NAALAD2: variants seen among roughly 807,000 people sequenced by gnomAD.
NAALAD2 encodes N-acetylated alpha-linked acidic dipeptidase 2.
NAALAD2 carries 89 observed loss-of-function variants against 95.6 expected under a neutral mutation model. The observed-to-expected ratio is 0.93, with a 90% CI of 0.78 to 1.11. NAALAD2 has a LOEUF of 1.11. Among genes scored for constraint, NAALAD2 ranks in the 50% least tolerant of loss-of-function variants. The pLI, the probability that NAALAD2 is intolerant of heterozygous loss-of-function variation, is 0.00. For synonymous variants in NAALAD2, 264 were observed against 294.4 expected, an observed-to-expected ratio of 0.90 and a Z score of 1.06; for missense variants, 894 against 872.4, an observed-to-expected ratio of 1.02 and a Z score of -0.31.
chr11:90,160,196 T>TA (rs1414965043), intron 8 of NAALAD2, among the ~76,000 whole-genome samples: 1 of 152,146 alleles, frequency 6.6e-6, no homozygotes, highest in Non-Finnish European at 1.5e-5. Context: ...TTATTGAGCT[T>TA]AGTCTTACAG....
chr11:90,176,198 A>C lies in NAALAD2; in HGVS notation c.1593+136A>C, dbSNP rs1190186432. ...GTTCCCAGGGATAGAGATAGACTGC[A>C]TGTCCCTTTCCAGATGGACAAGGAA... is the stretch of plus-strand genomic sequence containing the variant. On this transcript the variant is annotated intron_variant, in intron 15 of 18. Coordinates refer to ENST00000534061, the MANE Select transcript of NAALAD2 (RefSeq NM_005467.4). 5.0e-6 allele frequency: 3 copies of C among 604,832 alleles called. No homozygotes were observed. In the African/African-American group the frequency reaches 5.6e-5, roughly 11 times the overall value. 37.5% of individuals were successfully genotyped at this position (604,832 alleles called of 1,614,324 possible).
At chr11:90,176,149 C>T (rs1952789446) in intron 15 of NAALAD2, 87 bp downstream of exon 15, 3 of 974,768 alleles carry the variant, frequency 3.1e-6, no homozygotes, top group Non-Finnish European at 4.8e-6. Context: ...GCACCAGACA[C>T]CTGGTGGATG....
At chr11:90,163,147 A>G in intron 9 of NAALAD2, 113 bp downstream of exon 9, 1 of 1,210,696 alleles carries the variant, frequency 8.3e-7, no homozygotes, top group African/African-American at 1.5e-5. Context: ...TGAAACTACT[A>G]AATTTTGAGG....
At chr11:90,135,145 T>G in intron 1 of NAALAD2, 1 of 357,954 alleles carries the variant, frequency 2.8e-6, no homozygotes, top group Non-Finnish European at 5.0e-6. Context: ...CAAGCAACAT[T>G]AGTGAGTCAA....
chr11:90,185,056 G>C lies in NAALAD2; in HGVS notation c.2033+2048G>C, dbSNP rs1447116523. On this transcript the variant is annotated intron_variant, in intron 18 of 18. Transcript: ENST00000534061. ...AAATAGTAAGCCATTTTATATAAGG[G>C]AGTTGAGCATCCTTAAATTCTGGTA... Among the ~76,000 whole-genome samples, 3 of 152,078 alleles carry C rather than the reference G, an allele frequency of 2.0e-5. No individual in the cohort carries two copies. The South Asian group carries it at 6.2e-4, about 31-fold the overall frequency.
intron 8 of NAALAD2, among the ~76,000 whole-genome samples, chr11:90,161,633 C>T (rs902051282): frequency 3.3e-5 from 5 of 152,050 alleles, no homozygotes; most frequent in Non-Finnish European, 5.9e-5. Flanking sequence ...ATACTAAAAA[C>T]GAGAAAGACG....
intron 16 of NAALAD2, among the ~76,000 whole-genome samples, chr11:90,179,577 C>T (rs1478085466): frequency 1.3e-5 from 2 of 151,950 alleles, no homozygotes; most frequent in Non-Finnish European, 2.9e-5. Context: ...TATATCAATA[C>T]AATTGGAGTA....
chr11:90,177,585 T>TG (rs1952832630), intron 15 of NAALAD2, among the ~76,000 whole-genome samples: 1 of 112,776 alleles, frequency 8.9e-6, no homozygotes, highest in African/African-American at 3.4e-5. Flanking sequence ...TTCTTTTTCT[T>TG]GTTTTTTTTT....
In NAALAD2 at chr11:90,135,593, T is replaced by G. The variant is rs375908810; in HGVS notation, c.117T>G (p.Thr39=). The G allele has an allele frequency of 6.2e-7, 1 of 1,613,046 alleles. No homozygotes were observed. The highest frequency in any genetic ancestry group is 8.5e-7 in the Non-Finnish European group (1 of 1,179,522). Residue 39 remains threonine, a synonymous_variant, in exon 2 of 19, where the codon ACT becomes ACG. Coordinates refer to ENST00000534061, the MANE Select transcript of NAALAD2 (RefSeq NM_005467.4). ...TTAAGCCTCTCAAAGAAACGACCAC[T>G]TCTGTGCGCTATCATCAAAGTATAC... The part of the protein sequence containing the change: ...WFIKPLKETT[T]SVRYHQSIRW...
chr11:90,173,232 T>G (rs1292990792), intron 13 of NAALAD2, among the ~76,000 whole-genome samples: 1 of 152,080 alleles, frequency 6.6e-6, no homozygotes, highest in East Asian at 1.9e-4. Context: ...AGTAGAAATC[T>G]GAGGTTATGT....
chr11:90,165,285 G>T (rs1458465191), intron 11 of NAALAD2, among the ~76,000 whole-genome samples: 1 of 152,116 alleles, frequency 6.6e-6, no homozygotes, highest in Non-Finnish European at 1.5e-5. Context: ...GAACATATGT[G>T]TGTATGTGTC....
rs200875869 is a variant in NAALAD2, at chr11:90,158,150, A to G, written c.802A>G (p.Thr268Ala). 1.5e-5 allele frequency: 24 copies of G among 1,601,810 alleles called. No individual in the cohort carries two copies. In the African/African-American group the frequency reaches 2.7e-4, roughly 18 times the overall value. The change falls in exon 7 of 19, where the codon ACT (threonine) becomes GCT (alanine). Residue 268 changes from threonine to alanine, a missense_variant. Coordinates refer to ENST00000534061, the MANE Select transcript of NAALAD2 (RefSeq NM_005467.4). Reference protein sequence around the residue: ...LTPGYPAKEYTFRLDVEEGVG... With the variant: ...LTPGYPAKEYAFRLDVEEGVG... ...TATGCATTTGATTTTTTTAGAATACACTTTCAGACTTGATGTTGAAGAAGG... is the reference window on the plus strand; with the variant it reads ...TATGCATTTGATTTTTTTAGAATACGCTTTCAGACTTGATGTTGAAGAAGG...
chr11:90,183,572 A>T (rs1403073857), intron 18 of NAALAD2, among the ~76,000 whole-genome samples: 1 of 152,212 alleles, frequency 6.6e-6, no homozygotes, highest in African/African-American at 2.4e-5. Flanking sequence ...AACGATGGTT[A>T]GATTTCATTT....
At chr11:90,187,521 G>A (rs1037784011) in intron 18 of NAALAD2, among the ~76,000 whole-genome samples, 64 of 147,138 alleles carry the variant, frequency 4.3e-4, no homozygotes, top group African/African-American at 1.4e-3. Flanking sequence ...ATGACATATT[G>A]CATATGCACA....
At chr11:90,164,543 A>G (rs1952383343) in intron 11 of NAALAD2, among the ~76,000 whole-genome samples, 1 of 152,124 alleles carries the variant, frequency 6.6e-6, no homozygotes, top group Admixed American at 6.6e-5. Flanking sequence ...AGCTCAATAA[A>G]CACACAATTT....
intron 11 of NAALAD2, among the ~76,000 whole-genome samples, chr11:90,168,509 AAATAAAATAAAAT>A (rs1312749026): frequency 6.6e-6 from 1 of 151,794 alleles, no homozygotes; most frequent in African/African-American, 2.4e-5. Context: ...TCTGTCTCTA[AAATAAAATAAAAT>A]AATAAAATAC....
intron 16 of NAALAD2, among the ~76,000 whole-genome samples, chr11:90,178,324 TA>T (rs1340718115): frequency 6.6e-6 from 1 of 152,178 alleles, no homozygotes; most frequent in Non-Finnish European, 1.5e-5. Context: ...ATGGCTGAGT[TA>T]TTACCACAAA....
At chr11:90,181,541 A>C in intron 16 of NAALAD2, 79 bp from the exon 17 acceptor site, 1 of 932,216 alleles carries the variant, frequency 1.1e-6, no homozygotes, top group Non-Finnish European at 1.7e-6. Flanking sequence ...GGTCATATCA[A>C]TCTGGAATGG....
chr11:90,192,026 A>G lies in NAALAD2; in HGVS notation c.*279A>G. 4.9e-6 allele frequency: 1 copy of G among 202,888 alleles called. No individual in the cohort carries two copies. Among genetic ancestry groups the G allele is most frequent in the Non-Finnish European group, 9.8e-6 (1 of 101,856 alleles). 12.6% of individuals were successfully genotyped at this position (202,888 alleles called of 1,614,324 possible). Reference sequence around the variant, plus strand: ...TAGCAAGGAACATGAATTCTCAGACATTGTGAGTGTGGGAATGTAAAATGG... The same window carrying G: ...TAGCAAGGAACATGAATTCTCAGACGTTGTGAGTGTGGGAATGTAAAATGG... On this transcript the variant is annotated 3_prime_UTR_variant, in exon 19 of 19. Transcript: ENST00000534061.
Sources: gnomAD v4.1 joint callset for allele counts (sites outside exome capture counted in the v4.1 genomes callset) on GRCh38, gnomAD v4.1.1 for gene constraint, MANE v1.5 for transcripts, NCBI Gene and HGNC (gene_info 2026-07-23, HGNC 2026-07-21) for gene names.